VPS33A: variants seen among roughly 807,000 people sequenced by gnomAD.
VPS33A encodes the protein VPS33A core subunit of CORVET and HOPS complexes, also known as vacuolar protein sorting-associated protein 33A.
Under a neutral mutation model 71.8 loss-of-function variants are expected in VPS33A, and 32 were observed. The ratio of observed to expected loss-of-function variants is 0.45; its 90% CI spans 0.34 to 0.60. The LOEUF (loss-of-function observed/expected upper bound fraction) is 0.60. Among genes scored for constraint, VPS33A ranks in the 20% least tolerant of loss-of-function variants. The pLI, the probability that VPS33A is intolerant of heterozygous loss-of-function variation, is 0.02. For missense variants in VPS33A, 625 were observed against 748.5 expected (o/e 0.84, Z 1.92); for synonymous variants, 311 against 292.7 (o/e 1.06, Z -0.64).
intron 4 of VPS33A, among the ~76,000 whole-genome samples, chr12:122,258,986 CAAAAA>C (rs749562489): frequency 1.9e-5 from 1 of 53,214 alleles, no homozygotes; most frequent in Non-Finnish European, 4.5e-5. Context: ...CAATCCATCT[CAAAAA>C]AAAAAAAAAA....
chr12:122,232,715 T>A lies in VPS33A; in HGVS notation c.1609+85A>T. ...TATTTAATTCTGACTCCTAAGTGCT[T>A]TACTATTTTACAAAGCAACTGTACA... On this transcript the variant is annotated intron_variant, in intron 12 of 12. Transcript: ENST00000267199. 3 of 1,498,162 alleles carry A rather than the reference T, an allele frequency of 2.0e-6. No homozygotes were observed. In the South Asian group the frequency reaches 4.0e-5, roughly 20 times the overall value. The allele number at this position is 1,498,162 out of a possible 1,614,324, so 92.8% of individuals were successfully genotyped here.
intron 4 of VPS33A, among the ~76,000 whole-genome samples, chr12:122,254,882 C>G (rs985380870): frequency 6.6e-6 from 1 of 151,980 alleles, no homozygotes; most frequent in Non-Finnish European, 1.5e-5. Context: ...GAAACCCTGT[C>G]TCTACCAAAA....
At chr12:122,264,908 A>G (rs905492463) in intron 1 of VPS33A, 7 of 151,562 alleles carry the variant, frequency 4.6e-5, no homozygotes, top group Non-Finnish European at 7.4e-5. Context: ...AACCTACAAT[A>G]TAGGTATTAC....
chr12:122,241,765 G>A (rs762505851), intron 8 of VPS33A, among the ~76,000 whole-genome samples: 41 of 151,622 alleles, frequency 2.7e-4, no homozygotes, highest in Admixed American at 2.4e-3. Flanking sequence ...GCTAATTTTT[G>A]TATTTTTAGT....
intron 5 of VPS33A, among the ~76,000 whole-genome samples, chr12:122,250,487 G>C (rs1954828116): frequency 6.6e-6 from 1 of 152,154 alleles, no homozygotes; most frequent in Non-Finnish European, 1.5e-5. Context: ...CACTCACACT[G>C]AACTGACAGC....
intron 4 of VPS33A, among the ~76,000 whole-genome samples, chr12:122,256,583 T>TA (rs879302474): frequency 6.0e-4 from 85 of 141,714 alleles, no homozygotes; most frequent in African/African-American, 1.6e-3. Context: ...CAAAAACAAT[T>TA]AAAAAAAAAA....
intron 10 of VPS33A, 27 bp from the exon 11 acceptor site, chr12:122,235,950 T>C: frequency 6.3e-7 from 1 of 1,580,154 alleles, no homozygotes. Flanking sequence ...TTGGCCTTGA[T>C]GTCAGATCAG....
intron 7 of VPS33A, 23 bp downstream of exon 7, chr12:122,244,546 A>T: frequency 6.4e-7 from 1 of 1,570,824 alleles, no homozygotes; most frequent in Non-Finnish European, 8.7e-7. Flanking sequence ...GAGTTGCAGA[A>T]TGACACCCAA....
At chr12:122,265,362 C>G (rs186005888) in intron 1 of VPS33A, among the ~76,000 whole-genome samples, 7 of 152,196 alleles carry the variant, frequency 4.6e-5, no homozygotes, top group Admixed American at 4.6e-4. Context: ...CTTTGGGCCC[C>G]TATGAGTATT....
rs146203187 is a variant in VPS33A at position 122,249,930 on chromosome 12, G to A, written c.716C>T (p.Pro239Leu). ...TTCATATGTCAGCTGAGTGGCAAGA[G>A]GTGTTAATAAATCCACATTCCGATC... ...LLDRNVDLLT[P>L]LATQLTYEGL... Residue 239 changes from proline (P) to leucine (L), a missense_variant, in exon 6 of 13, where the codon CCT becomes CTT. By Grantham distance (98) the Pro-to-Leu change is moderately conservative. Coordinates refer to ENST00000267199, the MANE Select transcript of VPS33A (RefSeq NM_022916.6). The A allele has an allele frequency of 6.2e-7, 1 of 1,614,008 alleles. No homozygotes were observed. The highest frequency in any genetic ancestry group is 2.2e-5 in the East Asian group (1 of 44,872).
At chr12:122,234,462 T>G (rs993703630) in intron 11 of VPS33A, among the ~76,000 whole-genome samples, 5 of 152,154 alleles carry the variant, frequency 3.3e-5, no homozygotes, top group African/African-American at 1.2e-4. Context: ...TGATCACTTT[T>G]GTATTTTTTA....
Position 122,232,814 on chromosome 12 carries a change from C to T in VPS33A, c.1595G>A (p.Gly532Glu). 6.2e-7 allele frequency: 1 copy of T among 1,613,388 alleles called. No homozygotes were observed. The highest frequency in any genetic ancestry group is 8.5e-7 in the Non-Finnish European group (1 of 1,179,538). The change falls in exon 12 of 13, where the codon GGA becomes GAA. Residue 532 changes from glycine to glutamate, a missense_variant. Transcript: ENST00000267199. ...CTGGGACTTACGTTTCTTCTGCAGT[C>T]CTGTGGGCAGTGGCTGCCGCTCCTC... ...HFEERQPLPT[G>E]LQKKRQPGEN...
At chr12:122,256,619 A>G (rs1005521135) in intron 4 of VPS33A, among the ~76,000 whole-genome samples, 1 of 152,096 alleles carries the variant, frequency 6.6e-6, no homozygotes, top group African/African-American at 2.4e-5. Context: ...GAGCAGCAGC[A>G]GCGGCACCAG....
rs1435757796 is a variant in VPS33A, at chr12:122,266,423, C to T, written c.-15G>A. On this transcript the variant is annotated 5_prime_UTR_variant, in exon 1 of 13. Transcript: ENST00000267199. ...TGAGCCGCCATCTTGCTCCACCACC[C>T]CCTGCCCCACAACGCCAACCGAGTC... is the stretch of plus-strand genomic sequence containing the variant. 1.2e-6 allele frequency: 2 copies of T among 1,604,394 alleles called. No individual in the cohort carries two copies. The highest frequency in any genetic ancestry group is 1.7e-6 in the Non-Finnish European group (2 of 1,173,156).
chr12:122,243,506 C>T lies in VPS33A; in HGVS notation c.970-998G>A, dbSNP rs529330918. Among the ~76,000 whole-genome samples the T allele has an allele frequency of 1.5e-4, 23 of 152,214 alleles. No individual in the cohort carries two copies. In the East Asian group the frequency reaches 3.5e-3, roughly 23 times the overall value. ...CTCCTGCCTCAGCCTCCGACAGTGC[C>T]GGGATGACAGGCGTGAGCCACTGTG... On this transcript the variant is annotated intron_variant, in intron 7 of 12. Coordinates refer to ENST00000267199, the MANE Select transcript of VPS33A (RefSeq NM_022916.6).
At chr12:122,265,912 G>A (rs577292438) in intron 1 of VPS33A, among the ~76,000 whole-genome samples, 4 of 152,304 alleles carry the variant, frequency 2.6e-5, no homozygotes, top group East Asian at 3.9e-4. Context: ...CAAGGTGCAG[G>A]TGTTTCAAGA....
chr12:122,239,025 C>A (rs1954673044), intron 9 of VPS33A, among the ~76,000 whole-genome samples: 1 of 150,954 alleles, frequency 6.6e-6, no homozygotes, highest in African/African-American at 2.4e-5. Flanking sequence ...ACACACACCC[C>A]CCAGTGATCA....
chr12:122,250,972 CCG>C lies in VPS33A; in HGVS notation c.600+9_600+10del. On this transcript the variant is annotated intron_variant, in intron 5 of 12. Coordinates refer to ENST00000267199, the MANE Select transcript of VPS33A (RefSeq NM_022916.6). ...GCCCTCCTTTACCACCACAAAGCAG[CCG>C]GTTCTCACCCGAGCGCATTCTCCTT... 1 of 1,607,262 alleles carries C rather than the reference CCG, an allele frequency of 6.2e-7. No homozygotes were observed. The highest frequency in any genetic ancestry group is 1.1e-5 in the South Asian group (1 of 90,724).
rs749563575 is a variant in VPS33A, at chr12:122,247,194, A to C, written c.776-2432T>G. On this transcript the variant is annotated intron_variant, in intron 6 of 12. Transcript: ENST00000267199. Reference sequence around the variant, plus strand: ...TTTTTTCCTAATCAATGTTTGACTTACATTACGAAAAAACTTGCTACAAGG... The same window carrying C: ...TTTTTTCCTAATCAATGTTTGACTTCCATTACGAAAAAACTTGCTACAAGG... 2.8e-5 allele frequency among the ~76,000 whole-genome samples: 4 copies of C among 143,798 alleles called. No individual in the cohort carries two copies. The Middle Eastern group carries it at 0.01, about 372-fold the overall frequency. The allele number at this position is 143,798 out of a possible 152,430, so 94.3% of individuals were successfully genotyped here.
Sources: allele counts gnomAD v4.1 joint callset (sites outside exome capture counted in the v4.1 genomes callset), GRCh38; gene constraint gnomAD v4.1.1; transcripts MANE v1.5; gene names NCBI Gene and HGNC (gene_info 2026-07-23, HGNC 2026-07-21).